The following NRCAM variants were observed in gnomAD, a reference collection of about 807,000 sequenced individuals.
NRCAM encodes the protein neuronal cell adhesion molecule.
In NRCAM, 83 loss-of-function variants were observed where a neutral mutation model predicts 156.5. That is an observed-to-expected ratio of 0.53 (90% confidence interval 0.44 to 0.64). The LOEUF is 0.64. Ranked by LOEUF, NRCAM falls within the 30% of genes least tolerant of loss-of-function variation. The pLI is 0.00. For missense variants in NRCAM, 1,417 were observed against 1,597.3 expected (o/e 0.89, Z 1.92); for synonymous variants, 538 against 563.9 (o/e 0.95, Z 0.65).
At chr7:108,418,637 C>G (rs2154430969) in intron 1 of NRCAM, among the ~76,000 whole-genome samples, 1 of 151,542 alleles carries the variant, frequency 6.6e-6, no homozygotes, top group South Asian at 2.1e-4. Flanking sequence ...TATATATATT[C>G]ACCCATGTGT....
intron 3 of NRCAM, among the ~76,000 whole-genome samples, chr7:108,264,824 C>T (rs2097028252): frequency 6.6e-6 from 1 of 152,190 alleles, no homozygotes; most frequent in South Asian, 2.1e-4. Context: ...GTTTCCAATT[C>T]CACGTGTTTT....
At chr7:108,152,015 T>C (rs914727298) in intron 32 of NRCAM, among the ~76,000 whole-genome samples, 2 of 152,168 alleles carry the variant, frequency 1.3e-5, no homozygotes, top group African/African-American at 4.8e-5. Flanking sequence ...CTAAGATAGA[T>C]TGTTCTCGGC....
At position 108,231,132 on chromosome 7, in the gene NRCAM, T is replaced by C. The variant is rs2153732572; in HGVS notation, c.449A>G (p.Glu150Gly). ...TTGAAGTGTGATTGGTTCAAGTTTT[T>C]CTTTGGTCCACAATGGTGATCCTAT... ...RPSRSPLWTKEKLEPITLQSG... is the reference protein window; with the variant it reads ...RPSRSPLWTKGKLEPITLQSG... The change falls in exon 8 of 33, where the codon GAA (glutamate) becomes GGA (glycine). Residue 150 changes from glutamate (E) to glycine (G), a missense_variant. By Grantham distance (98) the Glu-to-Gly change is moderately conservative (BLOSUM62 -2). This residue lies in a region of NRCAM where 1,238 missense variants were observed against 1,336.4 expected (regional missense o/e 0.93). Coordinates refer to ENST00000379028, the MANE Select transcript of NRCAM (RefSeq NM_001037132.4). 6.2e-7 allele frequency: 1 copy of C among 1,604,582 alleles called. No individual in the cohort carries two copies. Among genetic ancestry groups the C allele is most frequent in the Non-Finnish European group, 8.5e-7 (1 of 1,176,658 alleles).
chr7:108,166,677 T>G (rs1585834184), intron 30 of NRCAM, among the ~76,000 whole-genome samples: 1 of 152,240 alleles, frequency 6.6e-6, no homozygotes, highest in Non-Finnish European at 1.5e-5. Flanking sequence ...GTTAAAATCA[T>G]ATTTAAGTCT....
chr7:108,450,257 CTTT>C (rs11316439), intron 1 of NRCAM, among the ~76,000 whole-genome samples: 6 of 144,966 alleles, frequency 4.1e-5, no homozygotes, highest in Non-Finnish European at 4.5e-5. Flanking sequence ...TTACCACTGG[CTTT>C]TTTTTTTTTT....
In NRCAM at chr7:108,423,750, G is replaced by A. The variant is rs541195789; in HGVS notation, c.-331-24157C>T. Among the ~76,000 whole-genome samples, 13 of 152,170 alleles carry A rather than the reference G, an allele frequency of 8.5e-5. No individual in the cohort carries two copies. The Middle Eastern group carries it at 0.01, about 121-fold the overall frequency. ...GAATCTGACCTGTTCTCTACCACTCGGTGTCATCACCAAGAACCTGGGTGA... is the reference window on the plus strand; with the variant it reads ...GAATCTGACCTGTTCTCTACCACTCAGTGTCATCACCAAGAACCTGGGTGA... On this transcript the variant is annotated intron_variant, in intron 1 of 32. Coordinates refer to ENST00000379028, the MANE Select transcript of NRCAM (RefSeq NM_001037132.4).
chr7:108,185,418 C>T (rs554117085), intron 20 of NRCAM, among the ~76,000 whole-genome samples: 2 of 152,306 alleles, frequency 1.3e-5, no homozygotes, highest in Admixed American at 1.3e-4. Context: ...TAGGTCCACA[C>T]AATGGAATAC....
chr7:108,260,814 T>C (rs1365019961), intron 3 of NRCAM, among the ~76,000 whole-genome samples: 1 of 152,128 alleles, frequency 6.6e-6, no homozygotes, highest in East Asian at 1.9e-4. Context: ...ACAATGTATA[T>C]AAATTAGCCT....
chr7:108,249,333 C>T (rs1332376992), intron 3 of NRCAM, among the ~76,000 whole-genome samples: 5 of 152,184 alleles, frequency 3.3e-5, no homozygotes, highest in Non-Finnish European at 5.9e-5. Context: ...AACCAAACAG[C>T]TGAAAATTCT....
chr7:108,320,331 G>A (rs1448715690), intron 2 of NRCAM, among the ~76,000 whole-genome samples: 1 of 152,092 alleles, frequency 6.6e-6, no homozygotes, highest in Non-Finnish European at 1.5e-5. Context: ...ATGGTGGCAT[G>A]CACCTGTGGT....
intron 2 of NRCAM, among the ~76,000 whole-genome samples, chr7:108,398,565 A>G (rs952504872): frequency 2.6e-5 from 4 of 152,036 alleles, no homozygotes; most frequent in Admixed American, 2.0e-4. Flanking sequence ...TTACTTTCTC[A>G]CATGGATTTC....
intron 1 of NRCAM, among the ~76,000 whole-genome samples, chr7:108,422,327 T>C (rs993681482): frequency 1.3e-5 from 2 of 152,168 alleles, no homozygotes; most frequent in African/African-American, 4.8e-5. Flanking sequence ...ATTATCTTAT[T>C]TCATCAACTG....
chr7:108,254,763 C>T (rs1469262036), intron 3 of NRCAM, among the ~76,000 whole-genome samples: 1 of 152,052 alleles, frequency 6.6e-6, no homozygotes, highest in African/African-American at 2.4e-5. Context: ...ATTACCCAGA[C>T]TGGTCTCGAA....
At chr7:108,243,924 C>T (rs763654526) in intron 3 of NRCAM, among the ~76,000 whole-genome samples, 3 of 152,070 alleles carry the variant, frequency 2.0e-5, no homozygotes, top group Non-Finnish European at 2.9e-5. Flanking sequence ...TTTCTTTTGC[C>T]TCAAATTCAT....
chr7:108,421,053 A>G (rs1808934578), intron 1 of NRCAM, among the ~76,000 whole-genome samples: 1 of 152,180 alleles, frequency 6.6e-6, no homozygotes, highest in Non-Finnish European at 1.5e-5. Context: ...ATACCCCAAA[A>G]TAGCATACAC....
chr7:108,354,617 G>A (rs2099467689), intron 2 of NRCAM, among the ~76,000 whole-genome samples: 1 of 152,194 alleles, frequency 6.6e-6, no homozygotes, highest in Non-Finnish European at 1.5e-5. Flanking sequence ...ATTTCAGGCT[G>A]GGCGTGGTGG....
chr7:108,309,278 T>C (rs2154176041), intron 3 of NRCAM, among the ~76,000 whole-genome samples: 1 of 152,314 alleles, frequency 6.6e-6, no homozygotes, highest in South Asian at 2.1e-4. Flanking sequence ...AAGAAAAGAT[T>C]GTTCTAGTTT....
chr7:108,197,635 A>G (rs1433241290), intron 14 of NRCAM, among the ~76,000 whole-genome samples: 1 of 152,220 alleles, frequency 6.6e-6, no homozygotes, highest in Non-Finnish European at 1.5e-5. Context: ...TACAACGAAG[A>G]GCAATAATAT....
intron 2 of NRCAM, among the ~76,000 whole-genome samples, chr7:108,336,209 G>A (rs910192180): frequency 2.0e-5 from 3 of 152,154 alleles, no homozygotes; most frequent in Non-Finnish European, 4.4e-5. Flanking sequence ...ATCCAGGACA[G>A]GACCTTAAGC....
Sources: allele counts gnomAD v4.1 joint callset (sites outside exome capture counted in the v4.1 genomes callset), GRCh38; gene constraint gnomAD v4.1.1; regional missense constraint gnomAD v4.1.1; transcripts MANE v1.5; gene names NCBI Gene and HGNC (gene_info 2026-07-23, HGNC 2026-07-21).